Variants in FBLN2 observed in about 807,000 individuals in gnomAD.
The protein encoded by FBLN2 is fibulin-2.
A neutral mutation model predicts 123.7 loss-of-function variants in FBLN2; 81 were observed. The observed-to-expected ratio is 0.65, with a 90% CI of 0.55 to 0.79. The LOEUF (loss-of-function observed/expected upper bound fraction) is 0.79, where lower values mean the gene tolerates loss of function less well. Ranked by LOEUF, FBLN2 falls within the 30% of genes least tolerant of loss-of-function variation. FBLN2 has a pLI of 0.00. For synonymous variants in FBLN2, 699 were observed against 701.4 expected, an observed-to-expected ratio of 1.00 and a Z score of 0.05; for missense variants, 1,603 against 1,681.3, an observed-to-expected ratio of 0.95 and a Z score of 0.81.
intron 9 of FBLN2, among the ~76,000 whole-genome samples, chr3:13,625,198 CG>C (rs1466106983): frequency 6.8e-6 from 1 of 147,780 alleles, no homozygotes; most frequent in Admixed American, 6.7e-5. Context: ...CTCTGTGGCC[CG>C]GGGGTGGTTT....
In FBLN2 at chr3:13,637,668, C is replaced by T. The variant is rs1309236114; in HGVS notation, c.3445C>T (p.His1149Tyr). 3 of 1,613,914 alleles carry T rather than the reference C, an allele frequency of 1.9e-6. No homozygotes were observed. Among genetic ancestry groups the T allele is most frequent in the Admixed American group, 1.7e-5 (1 of 60,010 alleles). Residue 1149 changes from histidine to tyrosine, a missense_variant, in exon 18 of 18, where the codon CAT becomes TAT. His to Tyr is a moderately conservative substitution (Grantham distance 83). Transcript: ENST00000404922. The part of the protein sequence containing the change: ...NFQTGLLVPA[H>Y]IFRIGPAPAF... ...CCAGACGGGCCTCCTGGTGCCTGCGCATATCTTCCGCATTGGCCCCGCGCC... is the reference window on the plus strand; with the variant it reads ...CCAGACGGGCCTCCTGGTGCCTGCGTATATCTTCCGCATTGGCCCCGCGCC...
intron 5 of FBLN2, among the ~76,000 whole-genome samples, chr3:13,615,404 G>A (rs1180950228): frequency 1.3e-5 from 2 of 152,232 alleles, no homozygotes; most frequent in Non-Finnish European, 2.9e-5. Flanking sequence ...CTGTGGATTT[G>A]TCCTGGGCAC....
chr3:13,609,164 G>A (rs1242594684), intron 3 of FBLN2, among the ~76,000 whole-genome samples: 1 of 152,236 alleles, frequency 6.6e-6, no homozygotes, highest in East Asian at 1.9e-4. Flanking sequence ...GCAGTGACCA[G>A]GGACCCGGAG....
At chr3:13,573,393 C>A (rs1704026250) in intron 2 of FBLN2, among the ~76,000 whole-genome samples, 1 of 152,104 alleles carries the variant, frequency 6.6e-6, no homozygotes, top group Non-Finnish European at 1.5e-5. Context: ...CCTTCCCTGA[C>A]CCCCAGGAGG....
intron 2 of FBLN2, 82 bp from the exon 3 acceptor site, chr3:13,607,980 A>G (rs567847742): frequency 1.6e-5 from 17 of 1,094,890 alleles, no homozygotes; most frequent in Admixed American, 6.2e-5. Context: ...TGCCCAGTAA[A>G]GGAGACCTGG....
chr3:13,572,455 G>T (rs1013219873), intron 2 of FBLN2, among the ~76,000 whole-genome samples: 1 of 152,372 alleles, frequency 6.6e-6, no homozygotes, highest in African/African-American at 2.4e-5. Context: ...CAACCAGTGA[G>T]CAGTGGGCCT....
chr3:13,594,161 C>G (rs774856933), intron 2 of FBLN2, among the ~76,000 whole-genome samples: 1 of 152,148 alleles, frequency 6.6e-6, no homozygotes, highest in Non-Finnish European at 1.5e-5. Context: ...TTGGAAAGCT[C>G]GTAGACCCCA....
rs1706252187 is a variant in FBLN2 at position 13,631,402 on chromosome 3, G to C, written c.3159G>C (p.Gln1053His). 1.2e-6 allele frequency: 2 copies of C among 1,601,874 alleles called. No individual in the cohort carries two copies. Among genetic ancestry groups the C allele is most frequent in the Admixed American group, 1.7e-5 (1 of 58,424 alleles). Reference sequence around the variant, plus strand: ...GTCTCAACGTGCCAGGGAGCTACCAGTGTGCATGCCCTGAGCAGGGCTACA... The same window carrying C: ...GTCTCAACGTGCCAGGGAGCTACCACTGTGCATGCCCTGAGCAGGGCTACA... ...FRCLNVPGSY[Q>H]CACPEQGYTM... Residue 1053 changes from glutamine to histidine, a missense_variant, in exon 16 of 18, where the codon CAG (glutamine) becomes CAC (histidine). Physicochemically the swap from Gln to His is conservative, Grantham distance 24 (BLOSUM62 0). Coordinates refer to ENST00000404922, the MANE Select transcript of FBLN2 (RefSeq NM_001004019.2).
chr3:13,565,248 T>C lies in FBLN2; in HGVS notation c.-41-5067T>C, dbSNP rs903748588. 3.3e-5 allele frequency among the ~76,000 whole-genome samples: 5 copies of C among 152,334 alleles called. No homozygotes were observed. The Middle Eastern group carries it at 0.017, about 518-fold the overall frequency. ...GGTCCCCCCACCCACAGCAGGGATT[T>C]GATCAACAAAGACCAAAGCTGTGAT... On this transcript the variant is annotated intron_variant, in intron 1 of 17. Transcript: ENST00000404922.
intron 2 of FBLN2, among the ~76,000 whole-genome samples, chr3:13,599,323 A>C (rs1480989588): frequency 6.6e-6 from 1 of 152,230 alleles, no homozygotes; most frequent in Non-Finnish European, 1.5e-5. Flanking sequence ...AGCAGATGGC[A>C]CAGGGAGAGG....
intron 1 of FBLN2, among the ~76,000 whole-genome samples, chr3:13,549,602 G>A (rs985766953): frequency 6.5e-5 from 4 of 61,534 alleles, no homozygotes; most frequent in Non-Finnish European, 1.3e-4. Flanking sequence ...GGACCTTGCC[G>A]CCCCTCCAGT....
intron 2 of FBLN2, among the ~76,000 whole-genome samples, chr3:13,576,712 C>A (rs1704154967): frequency 1.5e-5 from 2 of 132,638 alleles, no homozygotes; most frequent in African/African-American, 6.6e-5. Flanking sequence ...AAGGGGTGGT[C>A]AGGGGGATCC....
In FBLN2 at chr3:13,636,433, CT is replaced by C; in HGVS notation, c.3215-10del. 1 of 1,613,028 alleles carries C rather than the reference CT, an allele frequency of 6.2e-7. No individual in the cohort carries two copies. Among genetic ancestry groups the C allele is most frequent in the Non-Finnish European group, 8.5e-7 (1 of 1,179,410 alleles). On this transcript the variant is annotated splice_polypyrimidine_tract_variant and intron_variant, in intron 16 of 17. Transcript: ENST00000404922. ...CTGTGGGGACCCTGCCATTGCCCCT[CT>C]TCTCCCCCAGACGTGGATGAGTGTG...
chr3:13,603,358 G>A (rs1705101080), intron 2 of FBLN2, among the ~76,000 whole-genome samples: 1 of 151,160 alleles, frequency 6.6e-6, no homozygotes, highest in Admixed American at 6.6e-5. Context: ...ATTTACATTA[G>A]GTATTTCTCC....
At chr3:13,553,329 C>A (rs969857082) in intron 1 of FBLN2, among the ~76,000 whole-genome samples, 2 of 152,124 alleles carry the variant, frequency 1.3e-5, no homozygotes, top group African/African-American at 2.4e-5. Context: ...GAGGACAAGG[C>A]GGCAGGTGGG....
At chr3:13,609,683 G>GCCCC in intron 4 of FBLN2, 41 bp downstream of exon 4, 1 of 1,454,340 alleles carries the variant, frequency 6.9e-7, no homozygotes, top group Non-Finnish European at 9.3e-7. Flanking sequence ...GTGGGGTGGG[G>GCCCC]CGGGGCGGGA....
At chr3:13,596,095 T>G (rs761448032) in intron 2 of FBLN2, among the ~76,000 whole-genome samples, 29 of 152,218 alleles carry the variant, frequency 1.9e-4, no homozygotes, top group African/African-American at 1.4e-4. Context: ...TGCATGCAGA[T>G]CTAACGCTTT....
intron 1 of FBLN2, among the ~76,000 whole-genome samples, chr3:13,555,955 C>A (rs1212625507): frequency 6.6e-6 from 1 of 152,216 alleles, no homozygotes; most frequent in Non-Finnish European, 1.5e-5. Context: ...CCCAGGAAGT[C>A]CCCTGTGGTA....
intron 16 of FBLN2, among the ~76,000 whole-genome samples, chr3:13,631,742 C>A (rs879845511): frequency 6.6e-6 from 1 of 152,156 alleles, no homozygotes; most frequent in Admixed American, 6.5e-5. Context: ...GGTGTTTCTA[C>A]GGAGGCACGA....
Sources: allele counts gnomAD v4.1 joint callset (sites outside exome capture counted in the v4.1 genomes callset), GRCh38; gene constraint gnomAD v4.1.1; transcripts MANE v1.5; gene names NCBI Gene and HGNC (gene_info 2026-07-23, HGNC 2026-07-21).